TBC1D19: variants seen among roughly 807,000 people sequenced by gnomAD.
The protein encoded by TBC1D19 is TBC1 domain family, member 19.
Under a neutral mutation model 89.0 loss-of-function variants are expected in TBC1D19, and 60 were observed. That is an observed-to-expected ratio of 0.67 (90% confidence interval 0.55 to 0.84). TBC1D19 has a LOEUF of 0.84. Among genes scored for constraint, TBC1D19 ranks in the 40% least tolerant of loss-of-function variants. The pLI, the probability that TBC1D19 is intolerant of heterozygous loss-of-function variation, is 0.00. For synonymous variants in TBC1D19, 189 were observed against 199.7 expected (o/e 0.95, Z 0.45); for missense variants, 500 against 610.8 (o/e 0.82, Z 1.91).
the TBC1D19 span, among the ~76,000 whole-genome samples, chr4:26,849,117 A>C: frequency 6.6e-6 from 1 of 152,228 alleles, no homozygotes; most frequent in Middle Eastern, 3.4e-3. Flanking sequence ...TTGAGGCTGC[A>C]GTGAGCTGAG....
chr4:26,586,742 A>C (rs1739439027), intron 1 of TBC1D19, among the ~76,000 whole-genome samples: 1 of 152,082 alleles, frequency 6.6e-6, no homozygotes, highest in East Asian at 1.9e-4. Context: ...ATGGTGACTT[A>C]AGTTTTAATT....
Position 26,637,192 on chromosome 4 carries a change from A to T in TBC1D19, c.295-19A>T. 6.4e-7 allele frequency: 1 copy of T among 1,552,984 alleles called. No individual in the cohort carries two copies. The highest frequency in any genetic ancestry group is 8.8e-7 in the Non-Finnish European group (1 of 1,131,364). ...GTATTGTTACTGGAAAAGATAATTGATTGTTTTTTATGTTTCAGGGAAGTT... is the reference window on the plus strand; with the variant it reads ...GTATTGTTACTGGAAAAGATAATTGTTTGTTTTTTATGTTTCAGGGAAGTT... On this transcript the variant is annotated intron_variant, in intron 4 of 20. Transcript: ENST00000264866.
chr4:26,611,265 A>G (rs928580976), intron 1 of TBC1D19, among the ~76,000 whole-genome samples: 1 of 152,086 alleles, frequency 6.6e-6, no homozygotes, highest in Admixed American at 6.6e-5. Flanking sequence ...ATGTCTCTAG[A>G]TACTATAACT....
chr4:26,664,202 A>G (rs1410817626), intron 8 of TBC1D19, among the ~76,000 whole-genome samples: 4 of 152,150 alleles, frequency 2.6e-5, no homozygotes, highest in Non-Finnish European at 5.9e-5. Context: ...AAAGGATAAT[A>G]TATGTGCATA....
chr4:26,577,369 A>G (rs569117382), intron 1 of TBC1D19, among the ~76,000 whole-genome samples: 7 of 152,014 alleles, frequency 4.6e-5, no homozygotes, highest in African/African-American at 1.4e-4. Context: ...ACTTTGAGTG[A>G]TACACCTCTC....
the TBC1D19 span, among the ~76,000 whole-genome samples, chr4:26,822,431 C>T: frequency 7.0e-3 from 1,068 of 152,316 alleles, 76 homozygotes; most frequent in East Asian, 0.16. Flanking sequence ...GACAGGAGCA[C>T]GAAACCCTTT....
intron 19 of TBC1D19, among the ~76,000 whole-genome samples, chr4:26,752,672 C>T (rs1353138399): frequency 6.6e-6 from 1 of 152,206 alleles, no homozygotes; most frequent in East Asian, 1.9e-4. Context: ...AGTACCATCT[C>T]CTTATCAGGG....
At chr4:26,810,679 G>C in the TBC1D19 span, among the ~76,000 whole-genome samples, 1 of 152,020 alleles carries the variant, frequency 6.6e-6, no homozygotes, top group East Asian at 1.9e-4. Context: ...TGTCCTTGAA[G>C]ATTCAGCCTT....
chr4:26,731,596 A>G (rs1467154934), intron 15 of TBC1D19, among the ~76,000 whole-genome samples: 1 of 152,170 alleles, frequency 6.6e-6, no homozygotes, highest in East Asian at 1.9e-4. Context: ...TGGATTAATA[A>G]TGAGAATACT....
chr4:26,584,439 AAAAAC>A, intron 1 of TBC1D19, 147 bp downstream of exon 1: 1 of 706,932 alleles, frequency 1.4e-6, no homozygotes, highest in Non-Finnish European at 2.3e-6. Flanking sequence ...AAACAAAAAC[AAAAAC>A]AAAAACAAAA....
At chr4:26,730,583 A>G (rs1007140389) in intron 15 of TBC1D19, among the ~76,000 whole-genome samples, 5 of 152,114 alleles carry the variant, frequency 3.3e-5, no homozygotes, top group African/African-American at 1.2e-4. Flanking sequence ...GATAAAGTCT[A>G]CTCTATTTTC....
intron 7 of TBC1D19, among the ~76,000 whole-genome samples, chr4:26,658,545 G>T (rs1434927511): frequency 1.3e-5 from 2 of 152,112 alleles, no homozygotes; most frequent in East Asian, 3.9e-4. Flanking sequence ...TGTTCTTTTT[G>T]CTTAGGATTG....
the TBC1D19 span, chr4:26,858,823 A>C: frequency 1.3e-5 from 2 of 152,166 alleles, no homozygotes; most frequent in African/African-American, 4.8e-5. Context: ...GAGAGGAATA[A>C]ACACTTAAAA....
At chr4:26,854,087 A>G in the TBC1D19 span, among the ~76,000 whole-genome samples, 6 of 152,338 alleles carry the variant, frequency 3.9e-5, no homozygotes, top group South Asian at 8.3e-4. Context: ...TGGCAGCTAC[A>G]CTATGTGAAA....
At chr4:26,814,438 T>C in the TBC1D19 span, among the ~76,000 whole-genome samples, 1 of 152,164 alleles carries the variant, frequency 6.6e-6, no homozygotes, top group African/African-American at 2.4e-5. Context: ...GGTGTTTGCT[T>C]TATTTAAAGG....
intron 15 of TBC1D19, among the ~76,000 whole-genome samples, chr4:26,734,557 A>G (rs1461772847): frequency 6.6e-6 from 1 of 152,156 alleles, no homozygotes; most frequent in Non-Finnish European, 1.5e-5. Context: ...AAGGATGTGT[A>G]CTTTACTTGT....
chr4:26,599,130 T>A (rs543913216), intron 1 of TBC1D19, among the ~76,000 whole-genome samples: 1 of 152,150 alleles, frequency 6.6e-6, no homozygotes, highest in Non-Finnish European at 1.5e-5. Context: ...AGATTCATAC[T>A]TTAAAAGAAT....
chr4:26,591,225 T>G (rs1009128829), intron 1 of TBC1D19, among the ~76,000 whole-genome samples: 1 of 152,278 alleles, frequency 6.6e-6, no homozygotes, highest in Non-Finnish European at 1.5e-5. Flanking sequence ...TGTGGCTTGA[T>G]AGCTGATTTT....
chr4:26,650,957 A>G (rs1016225143), intron 7 of TBC1D19, among the ~76,000 whole-genome samples: 2 of 152,172 alleles, frequency 1.3e-5, no homozygotes, highest in Admixed American at 1.3e-4. Context: ...TCCCAGCACC[A>G]TTTATTAAAT....
Sources: allele counts gnomAD v4.1 joint callset (sites outside exome capture counted in the v4.1 genomes callset), GRCh38; gene constraint gnomAD v4.1.1; transcripts MANE v1.5; gene names NCBI Gene and HGNC (gene_info 2026-07-23, HGNC 2026-07-21).